The following ARMC7 variants were observed in gnomAD, a reference collection of about 807,000 sequenced individuals.
ARMC7 encodes the protein armadillo repeat-containing protein 7.
Under a neutral mutation model 14.8 loss-of-function variants are expected in ARMC7, and 9 were observed. That is an observed-to-expected ratio of 0.61 (90% CI 0.37 to 1.06). The LOEUF is 1.06. Ranked by LOEUF, ARMC7 falls within the 50% of genes least tolerant of loss-of-function variation. ARMC7 has a pLI of 0.01. For synonymous variants in ARMC7, 125 were observed against 123.4 expected, an observed-to-expected ratio of 1.01 and a Z score of -0.09; for missense variants, 262 against 267.1, an observed-to-expected ratio of 0.98 and a Z score of 0.13.
intron 2 of ARMC7, among the ~76,000 whole-genome samples, chr17:75,126,587 G>GT (rs113745613): frequency 0.086 from 12,293 of 143,446 alleles, 1,343 homozygotes; most frequent in African/African-American, 0.25. Context: ...TTTTGTTTTT[G>GT]TTTTTTTTTT....
intron 2 of ARMC7, among the ~76,000 whole-genome samples, chr17:75,111,371 G>A (rs1212560781): frequency 3.3e-5 from 5 of 151,732 alleles, no homozygotes; most frequent in South Asian, 2.1e-4. Context: ...GCTTGAACCC[G>A]GTAGGCAGAG....
At chr17:75,121,927 C>T (rs887182759) in intron 2 of ARMC7, among the ~76,000 whole-genome samples, 4 of 152,156 alleles carry the variant, frequency 2.6e-5, no homozygotes, top group African/African-American at 9.7e-5. Flanking sequence ...TGGATACCAG[C>T]GTTCTGTCAG....
intron 2 of ARMC7, among the ~76,000 whole-genome samples, chr17:75,115,061 G>C (rs1305708574): frequency 1.3e-5 from 2 of 152,168 alleles, no homozygotes; most frequent in African/African-American, 4.8e-5. Flanking sequence ...ACTTCTGTCT[G>C]CATGGTTTGA....
intron 2 of ARMC7, among the ~76,000 whole-genome samples, chr17:75,117,567 G>C (rs1174115884): frequency 6.6e-6 from 1 of 152,216 alleles, no homozygotes; most frequent in Non-Finnish European, 1.5e-5. Flanking sequence ...GTCTCCAAGG[G>C]ATGGGGCACA....
chr17:75,118,644 A>T (rs920459024), intron 2 of ARMC7, among the ~76,000 whole-genome samples: 2 of 152,126 alleles, frequency 1.3e-5, no homozygotes, highest in Non-Finnish European at 2.9e-5. Flanking sequence ...CAATTGTAGA[A>T]CTAGTTTATT....
At chr17:75,121,125 A>G (rs2074010680) in intron 2 of ARMC7, among the ~76,000 whole-genome samples, 1 of 152,220 alleles carries the variant, frequency 6.6e-6, no homozygotes. Flanking sequence ...TTTCAGATTC[A>G]TCCAAATTAT....
rs554465071 is a variant in ARMC7 at position 75,130,178 on chromosome 17, G to A, written c.*1140G>A. 6 of 318,466 alleles carry A rather than the reference G, an allele frequency of 1.9e-5. No individual in the cohort carries two copies. Among genetic ancestry groups the A allele is most frequent in the South Asian group, 1.2e-4 (3 of 24,862 alleles). The allele number at this position is 318,466 out of a possible 1,614,324, so 19.7% of individuals were successfully genotyped here. A position where few individuals can be genotyped will look rare whatever the true frequency, so the allele number is the denominator to read the frequency against. ...GGGAGGGAAGGGCTCATCAGCACCCGCTCAGGGAGCCTGTCCCTTTATGTT... is the reference window on the plus strand; with the variant it reads ...GGGAGGGAAGGGCTCATCAGCACCCACTCAGGGAGCCTGTCCCTTTATGTT... On this transcript the variant is annotated 3_prime_UTR_variant, in exon 3 of 3. Transcript: ENST00000245543.
intron 2 of ARMC7, among the ~76,000 whole-genome samples, chr17:75,113,005 A>ATTTTT (rs1041197915): frequency 1.5e-5 from 2 of 129,304 alleles, no homozygotes; most frequent in South Asian, 4.6e-4. Flanking sequence ...CAAATAACAC[A>ATTTTT]TTTTTTATTT....
chr17:75,127,136 G>C lies in ARMC7; in HGVS notation c.236-1541G>C, dbSNP rs186821765. ...TGGAGTCAGTCTTAACTCCCAGGGA[G>C]GCTGAGGCAGAAGGATGGCTTAAAG... On this transcript the variant is annotated intron_variant, in intron 2 of 2. Coordinates refer to ENST00000245543, the MANE Select transcript of ARMC7 (RefSeq NM_024585.4). 3.3e-3 allele frequency among the ~76,000 whole-genome samples: 503 copies of C among 151,794 alleles called. 1 individual carries two copies. The highest frequency in any genetic ancestry group is 3.2e-3 in the Non-Finnish European group (220 of 67,986).
intron 2 of ARMC7, among the ~76,000 whole-genome samples, chr17:75,116,581 C>T (rs756640429): frequency 3.3e-5 from 5 of 152,148 alleles, no homozygotes; most frequent in African/African-American, 9.7e-5. Flanking sequence ...GCCAAGATCA[C>T]GCCATTGCAC....
rs750225854 is a variant in ARMC7 at position 75,128,884 on chromosome 17, T to G, written c.443T>G (p.Phe148Cys). 3 of 1,611,766 alleles carry G rather than the reference T, an allele frequency of 1.9e-6. No individual in the cohort carries two copies. In the South Asian group the frequency reaches 3.3e-5, roughly 18 times the overall value. ...ATPVVQCMLR[F>C]SLSASARLRN... ...CCCGTGGTGCAGTGCATGCTTCGCT[T>G]CTCCCTCTCGGCCAGCGCCAGGCTC... The change falls in exon 3 of 3, where the codon TTC becomes TGC. Residue 148 changes from phenylalanine to cysteine, a missense_variant. Physicochemically the swap from Phe to Cys is radical, Grantham distance 205. Coordinates refer to ENST00000245543, the MANE Select transcript of ARMC7 (RefSeq NM_024585.4).
At chr17:75,113,760 C>T (rs1470864277) in intron 2 of ARMC7, among the ~76,000 whole-genome samples, 1 of 152,252 alleles carries the variant, frequency 6.6e-6, no homozygotes, top group African/African-American at 2.4e-5. Context: ...AGGGTCTTCT[C>T]TCCATGAGGG....
chr17:75,118,122 C>CAA (rs572926779), intron 2 of ARMC7, among the ~76,000 whole-genome samples: 13,614 of 112,592 alleles, frequency 0.12, 2,035 homozygotes, highest in African/African-American at 0.35. Flanking sequence ...AAGACTGTCT[C>CAA]AAAAAAAAAA....
At chr17:75,123,911 CA>C (rs943946529) in intron 2 of ARMC7, among the ~76,000 whole-genome samples, 8 of 148,440 alleles carry the variant, frequency 5.4e-5, no homozygotes, top group South Asian at 4.3e-4. Context: ...GGCTCATACT[CA>C]AAAAAAAAAG....
At chr17:75,117,252 T>C (rs551897019) in intron 2 of ARMC7, among the ~76,000 whole-genome samples, 3 of 152,132 alleles carry the variant, frequency 2.0e-5, no homozygotes, top group Admixed American at 2.0e-4. Flanking sequence ...AATTTTTGTA[T>C]GTTTAGTAGA....
intron 2 of ARMC7, among the ~76,000 whole-genome samples, chr17:75,116,752 G>A (rs1043438832): frequency 1.3e-5 from 2 of 152,242 alleles, no homozygotes; most frequent in South Asian, 2.1e-4. Flanking sequence ...GCGAAAGCGA[G>A]AAAGGAGTTT....
At chr17:75,112,126 A>T (rs1408971613) in intron 2 of ARMC7, among the ~76,000 whole-genome samples, 1 of 146,716 alleles carries the variant, frequency 6.8e-6, no homozygotes, top group Admixed American at 6.6e-5. Flanking sequence ...GCCTTAAAAC[A>T]GGAAGGAGCC....
At chr17:75,123,721 G>A (rs931927643) in intron 2 of ARMC7, among the ~76,000 whole-genome samples, 5 of 152,030 alleles carry the variant, frequency 3.3e-5, no homozygotes, top group Admixed American at 2.0e-4. Flanking sequence ...GATTAGCCTG[G>A]CCAACATGGT....
In ARMC7 at chr17:75,129,077, G is replaced by A. The variant is rs781710691; in HGVS notation, c.*39G>A. 2.4e-5 allele frequency: 38 copies of A among 1,565,182 alleles called. No homozygotes were observed. The South Asian group carries it at 4.0e-4, about 16-fold the overall frequency. ...CGAGACCGTGGCACCCCTACTGCTGGAGACCACAGTCCTGATGTGGACGCA... is the reference window on the plus strand; with the variant it reads ...CGAGACCGTGGCACCCCTACTGCTGAAGACCACAGTCCTGATGTGGACGCA... On this transcript the variant is annotated 3_prime_UTR_variant, in exon 3 of 3. Transcript: ENST00000245543.
Sources: gnomAD v4.1 joint callset for allele counts (sites outside exome capture counted in the v4.1 genomes callset) on GRCh38, gnomAD v4.1.1 for gene constraint, MANE v1.5 for transcripts, NCBI Gene and HGNC (gene_info 2026-07-23, HGNC 2026-07-21) for gene names.